FAM118B: variants seen among roughly 807,000 people sequenced by gnomAD.
FAM118B encodes the protein SIR2 antiphage like 1.
Under a neutral mutation model 38.5 loss-of-function variants are expected in FAM118B, and 24 were observed. The ratio of observed to expected loss-of-function variants is 0.62; its 90% CI spans 0.45 to 0.88. FAM118B has a LOEUF of 0.88. Ranked by LOEUF, FAM118B falls within the 40% of genes least tolerant of loss-of-function variation. The pLI is 0.00. For synonymous variants in FAM118B, 138 were observed against 156.3 expected (o/e 0.88, Z 0.87); for missense variants, 334 against 420.0 (o/e 0.80, Z 1.79).
intron 2 of FAM118B, among the ~76,000 whole-genome samples, chr11:126,230,623 A>T (rs1485257568): frequency 6.6e-6 from 1 of 152,192 alleles, no homozygotes; most frequent in African/African-American, 2.4e-5. Context: ...ATACTTTTTA[A>T]AACATTAGAA....
chr11:126,256,376 A>G lies in FAM118B; in HGVS notation c.697-191A>G, dbSNP rs897826425. ...GCCTACAGAAGAATGGCAGGTAAAG[A>G]TAAAATTTTAGACCAATCATCAAGT... On this transcript the variant is annotated intron_variant, in intron 6 of 8. Transcript: ENST00000533050. This position sits in a 1 kb window ranked among gnomAD's most constrained non-coding sequence, Gnocchi z 6.6. Among the ~76,000 whole-genome samples, 1 of 152,386 alleles carries G rather than the reference A, an allele frequency of 6.6e-6. No individual in the cohort carries two copies. The highest frequency in any genetic ancestry group is 2.4e-5 in the African/African-American group (1 of 41,598).
chr11:126,237,550 AT>A (rs1021798831), intron 3 of FAM118B, among the ~76,000 whole-genome samples: 269 of 143,334 alleles, frequency 1.9e-3, no homozygotes, highest in African/African-American at 6.7e-3. Flanking sequence ...TTTTAAAAAA[AT>A]CTAGGCCAGG....
rs769565375 is a variant in FAM118B at position 126,214,503 on chromosome 11, G to GTTTTTTTTTTTTTTTTTTT, written c.-77+2683_-77+2684insTTTTTTTTTTTTTTTTTTT. On this transcript the variant is annotated intron_variant, in intron 1 of 8. Coordinates refer to ENST00000533050, the MANE Select transcript of FAM118B (RefSeq NM_024556.4). ...TCTTTTGTTTCTGTTTTTTTTTTTT[G>GTTTTTTTTTTTTTTTTTTT]TTTTTTTTTTGTTTTTTTTTTTTTA... The GTTTTTTTTTTTTTTTTTTT allele has an allele frequency of 2.3e-3, 65 of 28,252 alleles. 3 individuals carry two copies. The highest frequency in any genetic ancestry group is 3.5e-3 in the African/African-American group (38 of 10,960). The allele number at this position is 28,252 out of a possible 1,614,324, so 1.8% of individuals were successfully genotyped here.
At chr11:126,261,943 T>C (rs1049356421) in intron 8 of FAM118B, among the ~76,000 whole-genome samples, 177 bp from the exon 9 acceptor site, 1 of 152,210 alleles carries the variant, frequency 6.6e-6, no homozygotes, top group Non-Finnish European at 1.5e-5. Flanking sequence ...CATTTGAGCC[T>C]GGGTGACAAA....
rs1950565089 is a variant in FAM118B at position 126,255,538 on chromosome 11, T to C, written c.697-1029T>C. 6.6e-6 allele frequency among the ~76,000 whole-genome samples: 1 copy of C among 152,202 alleles called. No individual in the cohort carries two copies. The highest frequency in any genetic ancestry group is 2.1e-4 in the South Asian group (1 of 4,834). On this transcript the variant is annotated intron_variant, in intron 6 of 8. Transcript: ENST00000533050. This position sits in a 1 kb window ranked among gnomAD's most constrained non-coding sequence, Gnocchi z 4.6. ...GTTCTAAGTATCAAACGCCTTTCCT[T>C]GAGCAAATCCGATGATGGAATTATC...
At position 126,256,795 on chromosome 11, in the gene FAM118B, G is replaced by T. The variant is rs1188143414; in HGVS notation, c.925G>T (p.Asp309Tyr). 1 of 1,612,190 alleles carries T rather than the reference G, an allele frequency of 6.2e-7. No individual in the cohort carries two copies. Among genetic ancestry groups the T allele is most frequent in the Admixed American group, 1.7e-5 (1 of 59,892 alleles). ...CATCTCCTATGGAGATGACTATGCC[G>T]ATCTTCCAGAATATTTCAAGCGACT... ...KVISYGDDYADLPEYFKRLTC... is the reference protein window; with the variant it reads ...KVISYGDDYAYLPEYFKRLTC... The change falls in exon 7 of 9, where the codon GAT becomes TAT. Residue 309 changes from aspartate (D) to tyrosine (Y), a missense_variant. By Grantham distance (160) the Asp-to-Tyr change is radical (BLOSUM62 -3). Transcript: ENST00000533050. The surrounding 1 kb of genome is among the most constrained non-coding windows in gnomAD (Gnocchi z 6.6).
chr11:126,217,111 A>T (rs1030283795), intron 1 of FAM118B, among the ~76,000 whole-genome samples: 2 of 152,246 alleles, frequency 1.3e-5, no homozygotes, highest in African/African-American at 4.8e-5. Flanking sequence ...CCACACAGAC[A>T]TGGGGAGCAT....
chr11:126,228,400 ATG>A (rs1950170948), intron 1 of FAM118B, among the ~76,000 whole-genome samples: 1 of 151,808 alleles, frequency 6.6e-6, no homozygotes, highest in Non-Finnish European at 1.5e-5. Flanking sequence ...GGGTTTTGCC[ATG>A]TTGGCCAGGC....
chr11:126,261,525 G>A (rs1209263927), intron 8 of FAM118B, 41 bp downstream of exon 8: 1 of 1,543,808 alleles, frequency 6.5e-7, no homozygotes, highest in Non-Finnish European at 8.9e-7. Context: ...CTCTGTAGCA[G>A]AAAGTCTTTC....
At position 126,250,804 on chromosome 11, in the gene FAM118B, G is replaced by A. The variant is rs889915387; in HGVS notation, c.567+71G>A. 8.3e-7 allele frequency: 1 copy of A among 1,206,498 alleles called. No individual in the cohort carries two copies. The highest frequency in any genetic ancestry group is 1.5e-5 in the African/African-American group (1 of 65,062). 74.7% of individuals were successfully genotyped at this position (1,206,498 alleles called of 1,614,324 possible). On this transcript the variant is annotated intron_variant, in intron 5 of 8. Coordinates refer to ENST00000533050, the MANE Select transcript of FAM118B (RefSeq NM_024556.4). The surrounding 1 kb of genome is among the most constrained non-coding windows in gnomAD (Gnocchi z 5.1). ...TCTTCCTCAGAAAAGCTCTTTTCTAGTTGGTATATTGGTATTTATGTAGAG... is the reference window on the plus strand; with the variant it reads ...TCTTCCTCAGAAAAGCTCTTTTCTAATTGGTATATTGGTATTTATGTAGAG...
In FAM118B at chr11:126,250,252, C is replaced by T. The variant is rs1318870453; in HGVS notation, c.340-254C>T. Among the ~76,000 whole-genome samples, 1 of 152,102 alleles carries T rather than the reference C, an allele frequency of 6.6e-6. No homozygotes were observed. The highest frequency in any genetic ancestry group is 6.5e-5 in the Admixed American group (1 of 15,274). On this transcript the variant is annotated intron_variant, in intron 4 of 8. Transcript: ENST00000533050. This position sits in a 1 kb window ranked among gnomAD's most constrained non-coding sequence, Gnocchi z 5.1. ...GACTACAGGCGCCTGTCACCACGCC[C>T]TGCTAATTTTTTTTATTTTTAGTAG...
intron 2 of FAM118B, among the ~76,000 whole-genome samples, chr11:126,231,109 T>C (rs1950201348): frequency 6.6e-6 from 1 of 152,222 alleles, no homozygotes; most frequent in Non-Finnish European, 1.5e-5. Context: ...ACATTTCTGT[T>C]AATGAGGTTG....
At chr11:126,247,444 A>G (rs905241390) in intron 4 of FAM118B, among the ~76,000 whole-genome samples, 11 of 152,108 alleles carry the variant, frequency 7.2e-5, no homozygotes, top group Admixed American at 7.2e-4. Context: ...TTTTCCCCCC[A>G]GGTTTTAACC....
chr11:126,238,368 A>G (rs1950308789), intron 3 of FAM118B, among the ~76,000 whole-genome samples: 2 of 152,074 alleles, frequency 1.3e-5, no homozygotes, highest in Non-Finnish European at 2.9e-5. Flanking sequence ...GTGTGTACAT[A>G]AGGGGCTTGG....
chr11:126,262,150 A>C lies in FAM118B; in HGVS notation c.*17A>C. 1 of 1,613,944 alleles carries C rather than the reference A, an allele frequency of 6.2e-7. No homozygotes were observed. Among genetic ancestry groups the C allele is most frequent in the Non-Finnish European group, 8.5e-7 (1 of 1,179,844 alleles). ...AGTACATGAGCGAGCTAGAGAAATC[A>C]CCACCGTTTAGACCAAGCTGTAAGG... is the stretch of plus-strand genomic sequence containing the variant. On this transcript the variant is annotated 3_prime_UTR_variant, in exon 9 of 9. Transcript: ENST00000533050.
intron 4 of FAM118B, among the ~76,000 whole-genome samples, chr11:126,245,650 T>C (rs1277464310): frequency 6.6e-6 from 1 of 150,426 alleles, no homozygotes; most frequent in Non-Finnish European, 1.5e-5. Context: ...GCTATGATCA[T>C]GTCATTGTAC....
chr11:126,254,164 G>T lies in FAM118B; in HGVS notation c.568-141G>T, dbSNP rs896315691. The T allele has an allele frequency of 1.0e-5, 10 of 990,606 alleles. No homozygotes were observed. The South Asian group carries it at 1.8e-4, about 18-fold the overall frequency. 61.4% of individuals were successfully genotyped at this position (990,606 alleles called of 1,614,324 possible). A position where few individuals can be genotyped will look rare whatever the true frequency, so the allele number is the denominator to read the frequency against. On this transcript the variant is annotated intron_variant, in intron 5 of 8. Coordinates refer to ENST00000533050, the MANE Select transcript of FAM118B (RefSeq NM_024556.4). The stretch of plus-strand genomic sequence containing the variant: ...GAAGTGGAAACTTAGACCACATCAG[G>T]TTTTGCATTCTTGTCCTATATCATG...
chr11:126,214,527 T>TTTTTTTA (rs1949954178), intron 1 of FAM118B: 2 of 123,320 alleles, frequency 1.6e-5, no homozygotes, highest in Non-Finnish European at 3.3e-5. Context: ...TTTTTTTTTT[T>TTTTTTTA]ACCTCTATAT....
intron 7 of FAM118B, among the ~76,000 whole-genome samples, chr11:126,259,636 A>T (rs1490173448): frequency 2.0e-5 from 3 of 151,574 alleles, no homozygotes; most frequent in South Asian, 4.2e-4. Context: ...CATGTTGGCC[A>T]GGATGGTCTC....
Sources: allele counts gnomAD v4.1 joint callset (sites outside exome capture counted in the v4.1 genomes callset), GRCh38; gene constraint gnomAD v4.1.1; non-coding constraint Gnocchi (gnomAD v3.1); transcripts MANE v1.5; gene names NCBI Gene and HGNC (gene_info 2026-07-23, HGNC 2026-07-21).